Variants in PADI4 observed in about 807,000 individuals in gnomAD.
The protein encoded by PADI4 is peptidyl arginine deiminase 4, also known as protein-arginine deiminase type-4.
A neutral mutation model predicts 75.0 loss-of-function variants in PADI4; 62 were observed. That is an observed-to-expected ratio of 0.83 (90% confidence interval 0.67 to 1.02). The LOEUF (loss-of-function observed/expected upper bound fraction) is 1.02, where lower values mean the gene tolerates loss of function less well. Among genes scored for constraint, PADI4 ranks in the 50% least tolerant of loss-of-function variants. PADI4 has a pLI of 0.00. For missense variants in PADI4, 845 were observed against 850.5 expected, an observed-to-expected ratio of 0.99 and a Z score of 0.08; for synonymous variants, 361 against 348.1, an observed-to-expected ratio of 1.04 and a Z score of -0.41.
rs78434305 is a variant in PADI4, at chr1:17,353,743, G to A, written c.1156-790G>A. The stretch of plus-strand genomic sequence containing the variant: ...TCCTGGTTTATCCTGGAATGCGGGA[G>A]GGCCTGTGATGATGGAAGCAGAGAC... On this transcript the variant is annotated intron_variant, in intron 10 of 15. Transcript: ENST00000375448. 1.1e-4 allele frequency among the ~76,000 whole-genome samples: 17 copies of A among 152,306 alleles called. No homozygotes were observed. In the East Asian group the frequency reaches 2.1e-3, roughly 19 times the overall value.
At chr1:17,314,180 G>A (rs565404606) in intron 1 of PADI4, among the ~76,000 whole-genome samples, 5 of 152,244 alleles carry the variant, frequency 3.3e-5, no homozygotes, top group African/African-American at 7.2e-5. Flanking sequence ...TGTGCCCCTC[G>A]GCCTCCATTG....
At chr1:17,353,103 G>A (rs1635569) in intron 10 of PADI4, among the ~76,000 whole-genome samples, 5,568 of 152,238 alleles carry the variant, frequency 0.037, 117 homozygotes, top group East Asian at 0.06. Flanking sequence ...TTTGATGGGC[G>A]GGAGAAGCGG....
At chr1:17,334,387 G>A (rs1287238385) in intron 3 of PADI4, 1 of 459,276 alleles carries the variant, frequency 2.2e-6, no homozygotes, top group East Asian at 7.1e-5. Context: ...ACTGCAACCT[G>A]CGTCTCCCAG....
At chr1:17,345,945 G>A (rs920391397) in intron 8 of PADI4, 83 bp from the exon 9 acceptor site, 1 of 877,114 alleles carries the variant, frequency 1.1e-6, no homozygotes, top group African/African-American at 1.6e-5. Flanking sequence ...TGACCCCTGA[G>A]CCACCTGTGT....
intron 8 of PADI4, among the ~76,000 whole-genome samples, chr1:17,343,329 A>G (rs1041392930): frequency 6.6e-6 from 1 of 152,234 alleles, no homozygotes; most frequent in Non-Finnish European, 1.5e-5. Flanking sequence ...GGGGAGGCCC[A>G]GGCAATCTTC....
intron 5 of PADI4, among the ~76,000 whole-genome samples, chr1:17,339,052 T>C (rs899476518): frequency 6.6e-6 from 1 of 152,158 alleles, no homozygotes; most frequent in African/African-American, 2.4e-5. Context: ...ACAACCATTC[T>C]ACGGTGGGTA....
intron 1 of PADI4, among the ~76,000 whole-genome samples, chr1:17,326,574 A>G (rs948724256): frequency 7.2e-5 from 11 of 152,178 alleles, no homozygotes; most frequent in African/African-American, 2.7e-4. Flanking sequence ...AGACTCTGCT[A>G]CCCATATATT....
Position 17,316,711 on chromosome 1 carries a change from T to TAAATAAATAAATA in PADI4, c.92+8399_92+8400insATAAATAAATAAA, listed in dbSNP as rs66586960. ...TCTCAAAATAAATAAATAAATAAAT[T>TAAATAAATAAATA]AATTAATTAATTAATTAATTAAAAT... is the stretch of plus-strand genomic sequence containing the variant. On this transcript the variant is annotated intron_variant, in intron 1 of 15. Transcript: ENST00000375448. Among the ~76,000 whole-genome samples the TAAATAAATAAATA allele has an allele frequency of 9.7e-4, 134 of 137,732 alleles. 1 individual carries two copies. The highest frequency in any genetic ancestry group is 2.0e-3 in the African/African-American group (74 of 36,896). 90.4% of individuals were successfully genotyped at this position (137,732 alleles called of 152,430 possible). A position where few individuals can be genotyped will look rare whatever the true frequency, so the allele number is the denominator to read the frequency against.
chr1:17,354,830 C>T (rs567466333), intron 11 of PADI4, 143 bp downstream of exon 11: 4 of 794,530 alleles, frequency 5.0e-6, no homozygotes, highest in Admixed American at 6.3e-5. Context: ...AATCCAAGCG[C>T]AGGGTGAGGA....
At chr1:17,338,885 A>G (rs1032143988) in intron 5 of PADI4, among the ~76,000 whole-genome samples, 9 of 152,142 alleles carry the variant, frequency 5.9e-5, no homozygotes, top group Admixed American at 2.0e-4. Flanking sequence ...AAATGGATGT[A>G]TTTTCAAGTT....
At chr1:17,329,279 T>G (rs2074167402) in intron 1 of PADI4, among the ~76,000 whole-genome samples, 1 of 146,546 alleles carries the variant, frequency 6.8e-6, no homozygotes. Flanking sequence ...TGAGCCAAGA[T>G]CACGCCACTG....
chr1:17,359,145 C>T (rs1237991888), intron 14 of PADI4, 135 bp from the exon 15 acceptor site: 1 of 722,588 alleles, frequency 1.4e-6, no homozygotes, highest in Non-Finnish European at 2.3e-6. Flanking sequence ...TGAGGCCTGG[C>T]AGCCACCTTC....
intron 4 of PADI4, 90 bp from the exon 5 acceptor site, chr1:17,337,948 A>G: frequency 1.7e-6 from 1 of 571,952 alleles, no homozygotes; most frequent in Non-Finnish European, 3.1e-6. Context: ...AATTTTAAAA[A>G]AGAGGTGATG....
intron 1 of PADI4, among the ~76,000 whole-genome samples, chr1:17,314,875 C>T (rs1264721469): frequency 6.6e-6 from 1 of 152,260 alleles, no homozygotes; most frequent in Non-Finnish European, 1.5e-5. Flanking sequence ...ATGCTGTGCC[C>T]TGGCTGGCTG....
At chr1:17,320,653 TAGTGTATAACGAGC>T (rs1288400806) in intron 1 of PADI4, among the ~76,000 whole-genome samples, 1 of 152,168 alleles carries the variant, frequency 6.6e-6, no homozygotes, top group Non-Finnish European at 1.5e-5. Flanking sequence ...GTATTATAAT[TAGTGTATAACGAGC>T]AGTGAGGACG....
intron 1 of PADI4, among the ~76,000 whole-genome samples, chr1:17,321,955 G>A (rs2074037548): frequency 6.6e-6 from 1 of 152,202 alleles, no homozygotes; most frequent in Non-Finnish European, 1.5e-5. Context: ...ATCCTTTTGA[G>A]TCTTTGATCA....
intron 2 of PADI4, among the ~76,000 whole-genome samples, chr1:17,333,493 C>T (rs1018433330): frequency 1.2e-4 from 18 of 152,054 alleles, no homozygotes; most frequent in Admixed American, 1.2e-3. Context: ...CCTCCATCCA[C>T]TCAAAGCTCC....
At chr1:17,340,525 C>G (rs147159272) in intron 6 of PADI4, among the ~76,000 whole-genome samples, 2 of 151,970 alleles carry the variant, frequency 1.3e-5, no homozygotes, top group African/African-American at 4.8e-5. Flanking sequence ...GAGGGAACGG[C>G]AAGTGCGTGG....
At chr1:17,344,222 G>T (rs989237857) in intron 8 of PADI4, among the ~76,000 whole-genome samples, 1 of 152,156 alleles carries the variant, frequency 6.6e-6, no homozygotes, top group African/African-American at 2.4e-5. Context: ...GTGGAACTTT[G>T]AACTTGAGAG....
Sources: gnomAD v4.1 joint callset for allele counts (sites outside exome capture counted in the v4.1 genomes callset) on GRCh38, gnomAD v4.1.1 for gene constraint, MANE v1.5 for transcripts, NCBI Gene and HGNC (gene_info 2026-07-23, HGNC 2026-07-21) for gene names.